The following SLC14A2 variants were observed in gnomAD, a reference collection of about 807,000 sequenced individuals.
SLC14A2 encodes solute carrier family 14 member 2, also known as urea transporter 2.
Under a neutral mutation model 104.6 loss-of-function variants are expected in SLC14A2, and 91 were observed. The ratio of observed to expected loss-of-function variants is 0.87; its 90% CI spans 0.73 to 1.04. The LOEUF is 1.04. Ranked by LOEUF, SLC14A2 falls within the 50% of genes least tolerant of loss-of-function variation. The pLI, the probability that SLC14A2 is intolerant of heterozygous loss-of-function variation, is 0.00. For synonymous variants in SLC14A2, 476 were observed against 466.4 expected (o/e 1.02, Z -0.27); for missense variants, 1,189 against 1,156.0 (o/e 1.03, Z -0.41).
chr18:45,433,448 C>T (rs542468222), intron 1 of SLC14A2, among the ~76,000 whole-genome samples: 12 of 152,296 alleles, frequency 7.9e-5, no homozygotes, highest in Middle Eastern at 3.4e-3. Flanking sequence ...ATCTCAAAGG[C>T]ATTCAACTTT....
intron 1 of SLC14A2, among the ~76,000 whole-genome samples, chr18:45,222,158 CT>C (rs1237762562): frequency 6.6e-6 from 1 of 152,154 alleles, no homozygotes; most frequent in Non-Finnish European, 1.5e-5. Flanking sequence ...GGCTATAAAC[CT>C]TTTCTTTGGT....
intron 8 of SLC14A2, 55 bp from the exon 9 acceptor site, chr18:45,643,077 G>A (rs776423043): frequency 1.9e-4 from 296 of 1,559,198 alleles, no homozygotes; most frequent in Non-Finnish European, 2.5e-4. Flanking sequence ...CAATGGCAGT[G>A]GCTTAGGGGG....
chr18:45,427,424 C>T (rs1249366657), intron 1 of SLC14A2, among the ~76,000 whole-genome samples: 2 of 152,116 alleles, frequency 1.3e-5, no homozygotes, highest in Non-Finnish European at 2.9e-5. Context: ...ATTTGGATGC[C>T]AGTGTTTCCC....
At position 45,230,477 on chromosome 18, in the gene SLC14A2, C is replaced by T. The variant is rs2084163845; in HGVS notation, c.-125+17286C>T. 2.6e-5 allele frequency among the ~76,000 whole-genome samples: 4 copies of T among 152,272 alleles called. No homozygotes were observed. In the South Asian group the frequency reaches 8.3e-4, roughly 32 times the overall value. ...ATCTGTCTATTCTTCCATTGTCATA[C>T]CTCCCTCTCTGGTCACAGCCAGGAA... On this transcript the variant is annotated intron_variant, in intron 1 of 20. Coordinates refer to the SLC14A2 transcript ENST00000586448.
the SLC14A2 span, among the ~76,000 whole-genome samples, chr18:45,178,443 C>A: frequency 6.6e-6 from 1 of 151,482 alleles, no homozygotes; most frequent in Non-Finnish European, 1.5e-5. Context: ...CATTAAAGAA[C>A]AAGAAAAAAA....
chr18:45,269,425 T>C (rs2084627450), intron 1 of SLC14A2, among the ~76,000 whole-genome samples: 1 of 152,004 alleles, frequency 6.6e-6, no homozygotes, highest in African/African-American at 2.4e-5. Flanking sequence ...GTGTAGCTAA[T>C]AGTGCTAATG....
At chr18:45,310,736 T>G (rs2085070216) in intron 1 of SLC14A2, among the ~76,000 whole-genome samples, 1 of 152,184 alleles carries the variant, frequency 6.6e-6, no homozygotes, top group Non-Finnish European at 1.5e-5. Flanking sequence ...CAGCAAGATA[T>G]GTAATCATGG....
chr18:45,624,237 C>G (rs1235638984), intron 1 of SLC14A2, among the ~76,000 whole-genome samples: 1 of 152,140 alleles, frequency 6.6e-6, no homozygotes, highest in Non-Finnish European at 1.5e-5. Context: ...CTCTTAGACA[C>G]CCCCCACCTC....
At chr18:45,188,065 G>A in the SLC14A2 span, among the ~76,000 whole-genome samples, 1 of 152,130 alleles carries the variant, frequency 6.6e-6, no homozygotes, top group African/African-American at 2.4e-5. Context: ...CCGGTTGGGA[G>A]GGTGTAATTT....
At chr18:45,176,480 G>A in the SLC14A2 span, among the ~76,000 whole-genome samples, 1 of 152,048 alleles carries the variant, frequency 6.6e-6, no homozygotes, top group Non-Finnish European at 1.5e-5. Context: ...TGTCCAGACT[G>A]AATTTTTTTC....
At chr18:45,420,932 G>T (rs1252788954) in intron 1 of SLC14A2, among the ~76,000 whole-genome samples, 4 of 151,756 alleles carry the variant, frequency 2.6e-5, no homozygotes, top group Non-Finnish European at 5.9e-5. Context: ...ATAGAGATGG[G>T]GTTTCACCAT....
chr18:45,682,295 C>T (rs1315287422), intron 19 of SLC14A2, 24 bp from the exon 20 acceptor site: 2 of 1,610,832 alleles, frequency 1.2e-6, no homozygotes, highest in Non-Finnish European at 1.7e-6. Context: ...GTGACCAAGG[C>T]TTATCTGTGT....
chr18:45,192,667 G>GT, the SLC14A2 span, among the ~76,000 whole-genome samples: 6 of 149,900 alleles, frequency 4.0e-5, no homozygotes, highest in East Asian at 3.9e-4. Flanking sequence ...GTTTTGTTTT[G>GT]TTTTTTTGAG....
chr18:45,665,939 G>A (rs776038301), intron 11 of SLC14A2, among the ~76,000 whole-genome samples, 198 bp from the exon 12 acceptor site: 3 of 151,886 alleles, frequency 2.0e-5, no homozygotes, highest in Non-Finnish European at 2.9e-5. Context: ...TCCCCAAAGC[G>A]AGGGCCCAGA....
chr18:45,177,012 T>C, the SLC14A2 span, among the ~76,000 whole-genome samples: 1 of 152,162 alleles, frequency 6.6e-6, no homozygotes. Flanking sequence ...CTCATGCTTT[T>C]TCCTTCCAAA....
At chr18:45,429,919 T>C (rs775621937) in intron 1 of SLC14A2, among the ~76,000 whole-genome samples, 1 of 152,192 alleles carries the variant, frequency 6.6e-6, no homozygotes, top group Admixed American at 6.5e-5. Flanking sequence ...CCCTAAGGAA[T>C]CAGAGGCATT....
At chr18:45,585,555 G>A (rs998850475) in intron 2 of SLC14A2, among the ~76,000 whole-genome samples, 4 of 152,166 alleles carry the variant, frequency 2.6e-5, no homozygotes, top group Admixed American at 1.3e-4. Context: ...CAGAGAAGTT[G>A]ACAGCCAAAA....
intron 2 of SLC14A2, among the ~76,000 whole-genome samples, chr18:45,534,402 C>A (rs2043749268): frequency 6.6e-6 from 1 of 152,104 alleles, no homozygotes; most frequent in African/African-American, 2.4e-5. Flanking sequence ...ATGCCTGGGA[C>A]AGCAAAGCTG....
the SLC14A2 span, among the ~76,000 whole-genome samples, chr18:45,204,384 G>A: frequency 6.6e-6 from 1 of 152,178 alleles, no homozygotes; most frequent in African/African-American, 2.4e-5. Context: ...CAACATCACC[G>A]TGTGTGATTG....
Sources: gnomAD v4.1 joint callset for allele counts (sites outside exome capture counted in the v4.1 genomes callset) on GRCh38, gnomAD v4.1.1 for gene constraint, MANE v1.5 for transcripts, NCBI Gene and HGNC (gene_info 2026-07-23, HGNC 2026-07-21) for gene names.